The following RBFOX2 variants were observed in gnomAD, a reference collection of about 807,000 sequenced individuals.
RBFOX2 encodes the protein RNA binding fox-1 homolog 2.
In RBFOX2, 10 loss-of-function variants were observed where a neutral mutation model predicts 49.1. The observed-to-expected ratio is 0.20, with a 90% CI of 0.13 to 0.35. The LOEUF is 0.35. Among genes scored for constraint, RBFOX2 ranks in the 10% least tolerant of loss-of-function variants. The pLI is 1.00. For missense variants in RBFOX2, 323 were observed against 486.9 expected (o/e 0.66, Z 3.17); for synonymous variants, 183 against 187.4 (o/e 0.98, Z 0.19).
chr22:35,971,912 TAAAA>T (rs527896726), intron 1 of RBFOX2, among the ~76,000 whole-genome samples: 12 of 56,602 alleles, frequency 2.1e-4, no homozygotes, highest in South Asian at 7.5e-4. Context: ...TTTTTCTCCC[TAAAA>T]AAAAAAAAAA....
chr22:35,883,824 TC>T (rs2046235285), intron 1 of RBFOX2, among the ~76,000 whole-genome samples: 1 of 152,108 alleles, frequency 6.6e-6, no homozygotes, highest in Non-Finnish European at 1.5e-5. Flanking sequence ...CCAGTTTCTT[TC>T]CTTTAAGACC....
intron 1 of RBFOX2, among the ~76,000 whole-genome samples, chr22:35,862,154 A>G (rs188602639): frequency 2.0e-5 from 3 of 152,268 alleles, no homozygotes; most frequent in African/African-American, 7.2e-5. Flanking sequence ...GAGCACTACA[A>G]AGGGGCATGA....
chr22:35,976,320 G>GACC (rs1258533256), intron 1 of RBFOX2, among the ~76,000 whole-genome samples: 9 of 150,502 alleles, frequency 6.0e-5, no homozygotes, highest in Non-Finnish European at 1.3e-4. Flanking sequence ...CAAAAACTCT[G>GACC]ACCACCACCA....
intron 1 of RBFOX2, among the ~76,000 whole-genome samples, chr22:36,010,863 G>A (rs1206125668): frequency 6.6e-6 from 1 of 152,018 alleles, no homozygotes; most frequent in African/African-American, 2.4e-5. Flanking sequence ...CCCTAGGGAA[G>A]AAGAGCATTC....
At chr22:35,834,182 C>T (rs1957254855) in intron 1 of RBFOX2, among the ~76,000 whole-genome samples, 1 of 152,148 alleles carries the variant, frequency 6.6e-6, no homozygotes, top group Non-Finnish European at 1.5e-5. Flanking sequence ...TATCATTCCC[C>T]ACAACATCTC....
chr22:36,028,355 C>A, exon 1 of RBFOX2: 1 of 1,435,436 alleles, frequency 7.0e-7, no homozygotes, highest in Non-Finnish European at 9.1e-7. Context: ...CTCCGACTCC[C>A]GCTTCATGCC....
intron 1 of RBFOX2, among the ~76,000 whole-genome samples, chr22:35,948,987 G>A (rs537144155): frequency 2.9e-4 from 44 of 151,988 alleles, no homozygotes; most frequent in Non-Finnish European, 3.2e-4. Flanking sequence ...GTCTCCCTCC[G>A]TCCACTGCCA....
At chr22:35,974,012 C>A (rs979299043) in intron 1 of RBFOX2, among the ~76,000 whole-genome samples, 1 of 152,194 alleles carries the variant, frequency 6.6e-6, no homozygotes, top group Non-Finnish European at 1.5e-5. Flanking sequence ...CCTCCTGGAA[C>A]GTGGAAAGCT....
intron 2 of RBFOX2, among the ~76,000 whole-genome samples, chr22:35,809,043 C>T (rs535645264): frequency 6.8e-6 from 1 of 146,688 alleles, no homozygotes; most frequent in Non-Finnish European, 1.5e-5. Context: ...AGTAGGAAAT[C>T]GGCATTTGCA....
chr22:35,948,405 A>G (rs1695953874), intron 1 of RBFOX2, among the ~76,000 whole-genome samples: 3 of 152,198 alleles, frequency 2.0e-5, no homozygotes, highest in Admixed American at 2.0e-4. Flanking sequence ...CATAAATAAT[A>G]AATAAAATTC....
chr22:35,982,616 G>T (rs2057514516), intron 1 of RBFOX2, among the ~76,000 whole-genome samples: 1 of 152,106 alleles, frequency 6.6e-6, no homozygotes, highest in South Asian at 2.1e-4. Flanking sequence ...AAAGGAAATG[G>T]TTGGACGGTA....
intron 1 of RBFOX2, among the ~76,000 whole-genome samples, chr22:35,826,063 C>G (rs1031348277): frequency 4.1e-5 from 6 of 144,740 alleles, no homozygotes; most frequent in Non-Finnish European, 9.0e-5. Flanking sequence ...AAAAAAAAGC[C>G]GGGTGCAGCG....
chr22:35,947,868 TTTG>T (rs754143647), intron 1 of RBFOX2, among the ~76,000 whole-genome samples: 18 of 151,960 alleles, frequency 1.2e-4, no homozygotes, highest in African/African-American at 2.9e-4. Context: ...CTAAGGCAAA[TTTG>T]TTGTTAAAGA....
At chr22:35,767,794 G>A (rs1941464086) in intron 5 of RBFOX2, among the ~76,000 whole-genome samples, 1 of 152,074 alleles carries the variant, frequency 6.6e-6, no homozygotes, top group South Asian at 2.1e-4. Context: ...GCACAAAGAG[G>A]CGAACTGGCC....
chr22:35,865,083 T>C (rs767389131), intron 1 of RBFOX2, among the ~76,000 whole-genome samples: 18 of 152,340 alleles, frequency 1.2e-4, no homozygotes, highest in Middle Eastern at 3.4e-3. Flanking sequence ...TTCTCTTTCA[T>C]AGAAAGATAG....
intron 1 of RBFOX2, among the ~76,000 whole-genome samples, chr22:35,838,273 T>TTA (rs1251123974): frequency 6.6e-6 from 1 of 151,908 alleles, no homozygotes; most frequent in African/African-American, 2.4e-5. Context: ...TCTTTTTTTT[T>TTA]TTTTAATTCT....
chr22:35,894,268 T>C (rs540591075), intron 1 of RBFOX2, among the ~76,000 whole-genome samples: 1 of 152,338 alleles, frequency 6.6e-6, no homozygotes, highest in South Asian at 2.1e-4. Flanking sequence ...GGCAAGTCAC[T>C]CTTTGTGGCT....
rs895759463 is a variant in RBFOX2, at chr22:36,015,354, T to C, written c.186+12886A>G. On this transcript the variant is annotated intron_variant, in intron 1 of 13. Transcript: ENST00000438146. ...TGCATTCTTTTAAACAAGGTGTGCA[T>C]AGCATAAGACCAGGGTCAGACTTTC... Among the ~76,000 whole-genome samples, 5 of 152,322 alleles carry C rather than the reference T, an allele frequency of 3.3e-5. No homozygotes were observed. In the East Asian group the frequency reaches 5.8e-4, roughly 18 times the overall value.
chr22:36,005,927 T>C (rs1374527468), intron 1 of RBFOX2, among the ~76,000 whole-genome samples: 1 of 152,246 alleles, frequency 6.6e-6, no homozygotes, highest in Non-Finnish European at 1.5e-5. Context: ...GCTGAAAAAG[T>C]TTATTTCAAT....
Sources: gnomAD v4.1 joint callset for allele counts (sites outside exome capture counted in the v4.1 genomes callset) on GRCh38, gnomAD v4.1.1 for gene constraint, MANE v1.5 for transcripts, NCBI Gene and HGNC (gene_info 2026-07-23, HGNC 2026-07-21) for gene names.